Variants in PRH1 observed in about 807,000 individuals in gnomAD.
PRH1 encodes the protein salivary acidic proline-rich phosphoprotein 1/2.
A neutral mutation model predicts 7.9 loss-of-function variants in PRH1; 7 were observed. That is an observed-to-expected ratio of 0.89 (90% CI 0.50 to 1.67). PRH1 has a LOEUF of 1.67. Ranked by LOEUF, PRH1 falls within the 40% of genes most tolerant of loss-of-function variation. The pLI is 0.00. For synonymous variants in PRH1, 45 were observed against 80.8 expected, an observed-to-expected ratio of 0.56 and a Z score of 2.38; for missense variants, 109 against 223.6, an observed-to-expected ratio of 0.49 and a Z score of 3.27.
rs1943858523 is a variant in PRH1 at position 11,067,170 on chromosome 12, T to G, written n.124-19982A>C. On this transcript the variant is annotated intron_variant and non_coding_transcript_variant, in intron 1 of 4. Coordinates refer to the PRH1 transcript ENST00000541977. The stretch of plus-strand genomic sequence containing the variant: ...ATGCTCAAAGATCATGCTAAATATG[T>G]TTTATACCTTAACAAATTTGCCTTT... Among the ~76,000 whole-genome samples, 7 of 119,538 alleles carry G rather than the reference T, an allele frequency of 5.9e-5. No homozygotes were observed. The South Asian group carries it at 1.6e-3, about 27-fold the overall frequency. 78.4% of individuals were successfully genotyped at this position (119,538 alleles called of 152,430 possible).
intron 1 of PRH1, chr12:11,171,371 G>A: frequency 1.6e-6 from 2 of 1,231,858 alleles, no homozygotes; most frequent in South Asian, 4.1e-5. Context: ...CCCCCGCGGC[G>A]GCTCCGTCCT....
At chr12:11,022,595 G>A (rs778443693) in intron 1 of PRH1, 1 of 1,542,924 alleles carries the variant, frequency 6.5e-7, no homozygotes, top group African/African-American at 1.4e-5. Flanking sequence ...AAAAAATGCA[G>A]GCTTAGTAAC....
At chr12:10,938,168 G>C in intron 2 of PRH1, 1 of 935,338 alleles carries the variant, frequency 1.1e-6, no homozygotes, top group Non-Finnish European at 1.6e-6. Flanking sequence ...AATTCACAAA[G>C]TTATACACAA....
chr12:11,009,060 T>C (rs1940957289), intron 1 of PRH1, among the ~76,000 whole-genome samples: 1 of 151,968 alleles, frequency 6.6e-6, no homozygotes, highest in Non-Finnish European at 1.5e-5. Context: ...ATGGTAAACA[T>C]TCACTTATAA....
chr12:10,890,224 C>T (rs1183488541), intron 2 of PRH1, among the ~76,000 whole-genome samples: 1 of 152,154 alleles, frequency 6.6e-6, no homozygotes, highest in African/African-American at 2.4e-5. Flanking sequence ...GTTTGTCCCA[C>T]TAACATTTTT....
chr12:11,085,263 ACAG>A (rs1944645925), intron 1 of PRH1, among the ~76,000 whole-genome samples: 1 of 151,322 alleles, frequency 6.6e-6, no homozygotes, highest in South Asian at 2.1e-4. Context: ...TGATTTGTTA[ACAG>A]CATACTGTAA....
In PRH1 at chr12:11,138,060, G is replaced by T. The variant is rs576771388; in HGVS notation, n.40-16880C>A. Among the ~76,000 whole-genome samples the T allele has an allele frequency of 2.0e-3, 310 of 152,178 alleles. 1 individual carries two copies. Among genetic ancestry groups the T allele is most frequent in the African/African-American group, 7.2e-3 (297 of 41,524 alleles). On this transcript the variant is annotated intron_variant and non_coding_transcript_variant, in intron 1 of 1. Transcript: ENST00000541175. ...AATGTAAAACCAATGTATTTTCAAT[G>T]ATTTATTTGCTTTTTTTATTTTATT...
At chr12:11,124,848 AT>A (rs879854760) in intron 1 of PRH1, among the ~76,000 whole-genome samples, 20 of 148,718 alleles carry the variant, frequency 1.3e-4, no homozygotes, top group South Asian at 4.3e-4. Flanking sequence ...TGGATTTACG[AT>A]TTTTTTTTTT....
At chr12:11,138,326 T>C (rs1297713820) in intron 1 of PRH1, among the ~76,000 whole-genome samples, 1 of 152,204 alleles carries the variant, frequency 6.6e-6, no homozygotes, top group Non-Finnish European at 1.5e-5. Context: ...GCATTATATA[T>C]GCACAAACAT....
chr12:10,945,017 T>C (rs996470524), intron 2 of PRH1, among the ~76,000 whole-genome samples: 1 of 152,122 alleles, frequency 6.6e-6, no homozygotes, highest in East Asian at 1.9e-4. Context: ...GTCTGTAATT[T>C]TCTGTTGCTG....
At chr12:11,075,321 C>T (rs1591960461) in intron 1 of PRH1, among the ~76,000 whole-genome samples, 1 of 138,876 alleles carries the variant, frequency 7.2e-6, no homozygotes, top group South Asian at 2.1e-4. Context: ...ATATATCATT[C>T]ACAGTAGAAA....
At chr12:10,929,983 T>A (rs1950180179) in intron 2 of PRH1, among the ~76,000 whole-genome samples, 1 of 152,190 alleles carries the variant, frequency 6.6e-6, no homozygotes, top group South Asian at 2.1e-4. Flanking sequence ...AATATTTCAT[T>A]GAAATACTCA....
At chr12:11,004,351 C>G (rs746116118) in intron 1 of PRH1, among the ~76,000 whole-genome samples, 14 of 151,880 alleles carry the variant, frequency 9.2e-5, no homozygotes, top group Non-Finnish European at 1.3e-4. Context: ...ACTAAAAATA[C>G]AAAAATTAGC....
intron 1 of PRH1, among the ~76,000 whole-genome samples, chr12:11,033,373 A>T (rs1218084829): frequency 1.1e-5 from 1 of 90,608 alleles, no homozygotes; most frequent in African/African-American, 3.9e-5. Flanking sequence ...TCAAAAAACA[A>T]AACAAAACAA....
chr12:10,998,431 T>C (rs7301545), intron 1 of PRH1, among the ~76,000 whole-genome samples: 47,507 of 152,024 alleles, frequency 0.31, 9,332 homozygotes, highest in East Asian at 0.74. Flanking sequence ...CAAAATCACC[T>C]AAGATTTTCT....
intron 1 of PRH1, among the ~76,000 whole-genome samples, chr12:11,074,331 GAC>G (rs372450371): frequency 2.0e-5 from 3 of 149,162 alleles, no homozygotes; most frequent in Admixed American, 6.7e-5. Flanking sequence ...GCAGAAAGTG[GAC>G]ATTTTTATAA....
At chr12:11,007,814 A>C (rs964051946) in intron 1 of PRH1, among the ~76,000 whole-genome samples, 5 of 152,074 alleles carry the variant, frequency 3.3e-5, no homozygotes, top group African/African-American at 1.2e-4. Context: ...ATGTAGCCTA[A>C]ATTGGCCAAA....
intron 2 of PRH1, chr12:10,973,554 A>G: frequency 1.5e-6 from 1 of 656,596 alleles, no homozygotes; most frequent in Non-Finnish European, 2.8e-6. Flanking sequence ...TTAGTACACT[A>G]CTTGTATAAC....
intron 1 of PRH1, among the ~76,000 whole-genome samples, chr12:11,024,384 A>T (rs1941807374): frequency 6.6e-6 from 1 of 152,230 alleles, no homozygotes; most frequent in African/African-American, 2.4e-5. Flanking sequence ...GCCACTTTCT[A>T]ATTCCCTACA....
Sources: allele counts gnomAD v4.1 joint callset (sites outside exome capture counted in the v4.1 genomes callset), GRCh38; gene constraint gnomAD v4.1.1; transcripts MANE v1.5; gene names NCBI Gene and HGNC (gene_info 2026-07-23, HGNC 2026-07-21).